ABI3BP: variants seen among roughly 807,000 people sequenced by gnomAD.
ABI3BP encodes the protein ABI family member 3 binding protein.
A neutral mutation model predicts 268.6 loss-of-function variants in ABI3BP; 216 were observed. That is an observed-to-expected ratio of 0.80 (90% confidence interval 0.72 to 0.90). The LOEUF (loss-of-function observed/expected upper bound fraction) is 0.90. Among genes scored for constraint, ABI3BP ranks in the 40% least tolerant of loss-of-function variants. The pLI, the probability that ABI3BP is intolerant of heterozygous loss-of-function variation, is 0.00. For missense variants in ABI3BP, 2,090 were observed against 2,182.4 expected, an observed-to-expected ratio of 0.96 and a Z score of 0.84; for synonymous variants, 730 against 730.0, an observed-to-expected ratio of 1.00 and a Z score of 0.00.
chr3:100,965,203 AG>A (rs1336069797), intron 1 of ABI3BP, among the ~76,000 whole-genome samples: 1 of 152,152 alleles, frequency 6.6e-6, no homozygotes, highest in Non-Finnish European at 1.5e-5. Context: ...CATGAATCTA[AG>A]GTAAATCCAC....
chr3:100,877,426 A>G (rs546961588), intron 6 of ABI3BP, among the ~76,000 whole-genome samples: 7 of 152,188 alleles, frequency 4.6e-5, no homozygotes, highest in African/African-American at 1.7e-4. Context: ...ACTTTCAACC[A>G]TTCTGCACAT....
rs1347270445 is a variant in ABI3BP, at chr3:100,926,315, T to G, written c.246A>C (p.Thr82=). The G allele has an allele frequency of 3.1e-6, 5 of 1,613,260 alleles. No homozygotes were observed. In the African/African-American group the frequency reaches 6.7e-5, roughly 22 times the overall value. Residue 82 remains threonine (T), a synonymous_variant, in exon 2 of 68, where the codon ACA becomes ACC. Transcript: ENST00000471714. The part of the protein sequence containing the change: ...YFPLPAEGKF[T]EAIVDAEPKY... ...CAAACACCTTACCAACTATAGCTTC[T>G]GTGAATTTCCCTTCAGCGGGAAGAG...
intron 40 of ABI3BP, among the ~76,000 whole-genome samples, chr3:100,819,822 G>A (rs768464631): frequency 5.2e-4 from 79 of 151,748 alleles, no homozygotes; most frequent in Non-Finnish European, 9.1e-4. Flanking sequence ...GGTGGCACGC[G>A]CCTGCAATCC....
intron 44 of ABI3BP, among the ~76,000 whole-genome samples, chr3:100,815,588 G>A (rs1360620996): frequency 6.6e-6 from 1 of 152,056 alleles, no homozygotes; most frequent in Non-Finnish European, 1.5e-5. Context: ...CTTAATTGTT[G>A]CTTTATAGAT....
At chr3:100,801,456 GA>G (rs201538753) in intron 51 of ABI3BP, among the ~76,000 whole-genome samples, 4 of 145,186 alleles carry the variant, frequency 2.8e-5, no homozygotes, top group South Asian at 2.2e-4. Flanking sequence ...GAAAAGAAAA[GA>G]AAAAAAGATC....
At chr3:100,879,820 C>A (rs1487565265) in intron 6 of ABI3BP, among the ~76,000 whole-genome samples, 1 of 152,260 alleles carries the variant, frequency 6.6e-6, no homozygotes, top group South Asian at 2.1e-4. Context: ...TACTAATGAG[C>A]AAATAGCTGC....
rs116323433 is a variant in ABI3BP at position 100,976,790 on chromosome 3, G to A, written c.79+16516C>T. Among the ~76,000 whole-genome samples the A allele has an allele frequency of 4.9e-3, 753 of 152,234 alleles. 4 individuals are homozygous for A. Among genetic ancestry groups the A allele is most frequent in the African/African-American group, 0.017 (713 of 41,556 alleles). The stretch of plus-strand genomic sequence containing the variant: ...GAATTCGGGGATGTAGGTCAGCTAC[G>A]GGGCAGATCTCAGATCTGGCTGTCT... On this transcript the variant is annotated intron_variant, in intron 1 of 67. Transcript: ENST00000471714.
In ABI3BP at chr3:100,965,492, T is replaced by C. The variant is rs2080924009; in HGVS notation, c.79+27814A>G. On this transcript the variant is annotated intron_variant, in intron 1 of 67. Transcript: ENST00000471714. ...ATGATGTGAAAACATGGAAAGCCTT[T>C]ATTCTGAATAAAACAAAAAAAAAAA... Among the ~76,000 whole-genome samples, 5 of 88,002 alleles carry C rather than the reference T, an allele frequency of 5.7e-5. No homozygotes were observed. In the South Asian group the frequency reaches 2.5e-3, roughly 43 times the overall value. The allele number at this position is 88,002 out of a possible 152,430, so 57.7% of individuals were successfully genotyped here.
chr3:100,789,602 C>T lies in ABI3BP; in HGVS notation c.4025-86G>A. The T allele has an allele frequency of 2.3e-6, 3 of 1,301,798 alleles. No individual in the cohort carries two copies. The Admixed American group carries it at 6.4e-5, about 28-fold the overall frequency. 80.6% of individuals were successfully genotyped at this position (1,301,798 alleles called of 1,614,324 possible). ...TTTAGCATCCTAGGGACCAACAACT[C>T]ATACACTTTGCATGGACGTATAAAG... On this transcript the variant is annotated intron_variant, in intron 55 of 67. Coordinates refer to ENST00000471714, the MANE Select transcript of ABI3BP (RefSeq NM_001375547.2).
Position 100,760,882 on chromosome 3 carries a change from G to GT in ABI3BP, c.4850+4958dup, listed in dbSNP as rs879270753. ...CTTGGGTAATTGTATGGCAGAGAGGGTTTTTTTTTTAAATTTTCATTTTAG... is the reference window on the plus strand; with the variant it reads ...CTTGGGTAATTGTATGGCAGAGAGGGTTTTTTTTTTTAAATTTTCATTTTAG... On this transcript the variant is annotated intron_variant, in intron 63 of 67. Transcript: ENST00000471714. Among the ~76,000 whole-genome samples, 875 of 151,520 alleles carry GT rather than the reference G, an allele frequency of 5.8e-3. 5 individuals are homozygous for GT. Among genetic ancestry groups the GT allele is most frequent in the African/African-American group, 0.018 (752 of 41,324 alleles).
intron 49 of ABI3BP, among the ~76,000 whole-genome samples, chr3:100,809,510 T>C (rs1402810073): frequency 6.6e-6 from 1 of 152,104 alleles, no homozygotes; most frequent in Non-Finnish European, 1.5e-5. Flanking sequence ...TTAATTATTA[T>C]AGTTATTAAG....
chr3:100,832,737 T>C (rs1489804940), intron 30 of ABI3BP, among the ~76,000 whole-genome samples: 3 of 149,324 alleles, frequency 2.0e-5, no homozygotes, highest in Admixed American at 6.7e-5. Flanking sequence ...AGACTAAGTA[T>C]ATAAAATTCA....
chr3:100,857,282 C>A (rs1433754333), intron 14 of ABI3BP, among the ~76,000 whole-genome samples: 1 of 152,158 alleles, frequency 6.6e-6, no homozygotes, highest in Non-Finnish European at 1.5e-5. Context: ...GAAGGGGTGG[C>A]AGCCAATGCA....
At chr3:100,989,104 A>G (rs1005479359) in intron 1 of ABI3BP, among the ~76,000 whole-genome samples, 2 of 152,170 alleles carry the variant, frequency 1.3e-5, no homozygotes, top group Non-Finnish European at 2.9e-5. Flanking sequence ...GTGCCCTTAT[A>G]AAAAGTCTTA....
chr3:100,751,944 T>G (rs1559777937), intron 66 of ABI3BP, among the ~76,000 whole-genome samples: 2 of 152,230 alleles, frequency 1.3e-5, no homozygotes, highest in African/African-American at 4.8e-5. Flanking sequence ...CCAAAGTTCT[T>G]ACCTGATTTC....
At chr3:100,884,738 G>C (rs77108640) in intron 6 of ABI3BP, among the ~76,000 whole-genome samples, 3 of 151,046 alleles carry the variant, frequency 2.0e-5, no homozygotes, top group Non-Finnish European at 4.4e-5. Context: ...AATATCTAGG[G>C]ACCAAATTCC....
Position 100,834,762 on chromosome 3 carries a change from A to C in ABI3BP, c.2203T>G (p.Ser735Ala). ...ATVTTLAPKT[S>A]QRTRTRRPRP... ...GGACGACGTGTTCTTGTTCGTTGCGATGTTTTTGGAGCTAAAGAAAGGAAA... is the reference window on the plus strand; with the variant it reads ...GGACGACGTGTTCTTGTTCGTTGCGCTGTTTTTGGAGCTAAAGAAAGGAAA... Residue 735 changes from serine (S) to alanine (A), a missense_variant, in exon 29 of 68, where the codon TCG (serine) becomes GCG (alanine). Coordinates refer to ENST00000471714, the MANE Select transcript of ABI3BP (RefSeq NM_001375547.2). 3 of 1,535,628 alleles carry C rather than the reference A, an allele frequency of 2.0e-6. No homozygotes were observed. Among genetic ancestry groups the C allele is most frequent in the Non-Finnish European group, 2.6e-6 (3 of 1,146,506 alleles).
At chr3:100,899,256 T>TAC (rs1178777326) in intron 3 of ABI3BP, among the ~76,000 whole-genome samples, 1 of 152,224 alleles carries the variant, frequency 6.6e-6, no homozygotes, top group African/African-American at 2.4e-5. Flanking sequence ...CAAACACACA[T>TAC]ACACACACTT....
chr3:100,780,166 T>TAA lies in ABI3BP; in HGVS notation c.4205_4206insTT (p.Ser1403TyrfsTer51). ...TAGTGGGGTGGGTAGAGTCCACTGA[T>TAA]ACATTTCTATCAGCACCTGATGGCC... On this transcript the variant is annotated frameshift_variant, in exon 58 of 68. Coordinates refer to ENST00000471714, the MANE Select transcript of ABI3BP (RefSeq NM_001375547.2). LOFTEE classifies it high-confidence loss of function. The TAA allele has an allele frequency of 1.9e-6, 3 of 1,613,072 alleles. No homozygotes were observed. Among genetic ancestry groups the TAA allele is most frequent in the Non-Finnish European group, 2.5e-6 (3 of 1,179,258 alleles).
Sources: gnomAD v4.1 joint callset for allele counts (sites outside exome capture counted in the v4.1 genomes callset) on GRCh38, gnomAD v4.1.1 for gene constraint, MANE v1.5 for transcripts, NCBI Gene and HGNC (gene_info 2026-07-23, HGNC 2026-07-21) for gene names.